Variants in CAPN8 observed in about 807,000 individuals in gnomAD.
CAPN8 encodes the protein calpain 8.
CAPN8 carries 87 observed loss-of-function variants against 80.9 expected under a neutral mutation model. The observed-to-expected ratio is 1.07, with a 90% CI of 0.90 to 1.28. The LOEUF (loss-of-function observed/expected upper bound fraction) is 1.28, where lower values mean the gene tolerates loss of function less well. Ranked by LOEUF, CAPN8 falls within the 50% of genes most tolerant of loss-of-function variation. The pLI, the probability that CAPN8 is intolerant of heterozygous loss-of-function variation, is 0.00. For synonymous variants in CAPN8, 299 were observed against 273.8 expected, an observed-to-expected ratio of 1.09 and a Z score of -0.91; for missense variants, 757 against 702.0, an observed-to-expected ratio of 1.08 and a Z score of -0.89.
intron 8 of CAPN8, among the ~76,000 whole-genome samples, chr1:223,619,837 G>A (rs1184154858): frequency 6.6e-6 from 1 of 152,154 alleles, no homozygotes; most frequent in African/African-American, 2.4e-5. Flanking sequence ...TATTCAAGGA[G>A]TATCCTTATT....
intron 9 of CAPN8, among the ~76,000 whole-genome samples, chr1:223,616,359 G>A (rs751503395): frequency 1.3e-4 from 20 of 152,252 alleles, no homozygotes; most frequent in South Asian, 2.1e-4. Flanking sequence ...ATATGGCATC[G>A]CATTTGGAAA....
chr1:223,637,778 A>G (rs1230377744), intron 2 of CAPN8, among the ~76,000 whole-genome samples: 2 of 152,124 alleles, frequency 1.3e-5, no homozygotes, highest in Admixed American at 6.5e-5. Context: ...GAAGGCTACA[A>G]ACTTAGTAGA....
intron 6 of CAPN8, among the ~76,000 whole-genome samples, chr1:223,625,030 T>A (rs1657525471): frequency 2.0e-5 from 3 of 152,090 alleles, no homozygotes; most frequent in Non-Finnish European, 4.4e-5. Flanking sequence ...GAGGCGGAGC[T>A]TGCAGTGAGC....
intron 2 of CAPN8, among the ~76,000 whole-genome samples, chr1:223,649,931 G>A (rs1040603461): frequency 2.6e-5 from 4 of 152,096 alleles, no homozygotes; most frequent in African/African-American, 9.7e-5. Context: ...CTTCCTAGAG[G>A]ACAAGGAACC....
intron 2 of CAPN8, among the ~76,000 whole-genome samples, chr1:223,647,684 A>C (rs1214844379): frequency 6.6e-6 from 1 of 152,176 alleles, no homozygotes; most frequent in East Asian, 1.9e-4. Context: ...TGCTGCAGTC[A>C]TATTTTTGGT....
intron 17 of CAPN8, 51 bp from the exon 18 acceptor site, chr1:223,544,901 C>A: frequency 6.5e-7 from 1 of 1,550,206 alleles, no homozygotes; most frequent in South Asian, 1.2e-5. Flanking sequence ...ACGGCCCCTG[C>A]CAGAACCATC....
chr1:223,557,627 C>T (rs1281263574), intron 13 of CAPN8, among the ~76,000 whole-genome samples: 12 of 152,314 alleles, frequency 7.9e-5, no homozygotes, highest in African/African-American at 2.6e-4. Flanking sequence ...CCTCCAAAGT[C>T]GGCTCAGAAC....
intron 10 of CAPN8, 58 bp from the exon 11 acceptor site, chr1:223,612,315 C>G (rs1657049286): frequency 5.7e-6 from 7 of 1,229,602 alleles, no homozygotes; most frequent in Non-Finnish European, 7.1e-6. Flanking sequence ...TCCTTCTGCT[C>G]CTTTTCCTCT....
chr1:223,541,997 G>A, intron 20 of CAPN8, 138 bp from the exon 21 acceptor site: 2 of 1,381,370 alleles, frequency 1.4e-6, no homozygotes, highest in Non-Finnish European at 2.0e-6. Flanking sequence ...AACATGGGAA[G>A]CAAGGAAGGC....
chr1:223,643,696 C>A (rs1046415183), intron 2 of CAPN8, among the ~76,000 whole-genome samples: 2 of 152,228 alleles, frequency 1.3e-5, no homozygotes, highest in Non-Finnish European at 2.9e-5. Context: ...TCTACAGAAG[C>A]ACAGAGTTTC....
chr1:223,549,565 G>A (rs1360475481), intron 15 of CAPN8, 183 bp from the exon 16 acceptor site: 20 of 888,912 alleles, frequency 2.2e-5, no homozygotes, highest in Admixed American at 1.4e-4. Context: ...TCCTGGTGCC[G>A]TGGGAGATAG....
intron 2 of CAPN8, among the ~76,000 whole-genome samples, chr1:223,649,159 C>T (rs1658272684): frequency 1.3e-5 from 2 of 152,242 alleles, no homozygotes; most frequent in Admixed American, 6.5e-5. Context: ...CCAAGGTCTA[C>T]TTTTATACAG....
chr1:223,634,268 C>T (rs777423154), intron 2 of CAPN8, among the ~76,000 whole-genome samples: 3 of 152,108 alleles, frequency 2.0e-5, no homozygotes, highest in Non-Finnish European at 4.4e-5. Flanking sequence ...ATGTCTGCAG[C>T]AGTAAGGAGC....
chr1:223,617,988 A>G (rs1344454110), intron 9 of CAPN8: 4 of 434,726 alleles, frequency 9.2e-6, no homozygotes, highest in African/African-American at 1.9e-5. Context: ...AGAACTTGTC[A>G]AGACCCAGCA....
intron 1 of CAPN8, among the ~76,000 whole-genome samples, chr1:223,656,897 G>A (rs1658509251): frequency 6.6e-6 from 1 of 151,830 alleles, no homozygotes; most frequent in Non-Finnish European, 1.5e-5. Flanking sequence ...TGTTAACCAG[G>A]ATGGTCTCCA....
At chr1:223,553,932 G>A (rs1656854140) in intron 13 of CAPN8, 32 bp from the exon 14 acceptor site, 1 of 398,480 alleles carries the variant, frequency 2.5e-6, no homozygotes, top group South Asian at 1.3e-4. Flanking sequence ...AAGTTAAAAT[G>A]GGAATCGTCA....
At chr1:223,650,294 C>T (rs180823281) in intron 2 of CAPN8, among the ~76,000 whole-genome samples, 1 of 152,250 alleles carries the variant, frequency 6.6e-6, no homozygotes, top group East Asian at 1.9e-4. Flanking sequence ...TCTTTCTGCC[C>T]AGAGCCATGG....
chr1:223,541,898 A>G (rs1392926468), intron 20 of CAPN8, 39 bp from the exon 21 acceptor site: 1 of 1,551,320 alleles, frequency 6.4e-7, no homozygotes, highest in Admixed American at 2.0e-5. Flanking sequence ...TTGGCTTCTC[A>G]GGGGCTGGTG....
Position 223,549,357 on chromosome 1 carries a change from GA to G in CAPN8, c.1724del (p.Phe575SerfsTer9). The G allele has an allele frequency of 1.3e-6, 2 of 1,551,770 alleles. No individual in the cohort carries two copies. The highest frequency in any genetic ancestry group is 1.7e-6 in the Non-Finnish European group (2 of 1,146,994). On this transcript the variant is annotated frameshift_variant, in exon 16 of 21. Transcript: ENST00000366872. LOFTEE classifies it high-confidence loss of function. The part of the protein sequence containing the change: ...SKRTDIKFDG[F>X]NINTCREMIS... ...TCATTTCCCTGCAAGTGTTGATGTT[GA>G]ATCCATCGAATTTTATGTCTGTTCC... is the stretch of plus-strand genomic sequence containing the variant.
Sources: gnomAD v4.1 joint callset for allele counts (sites outside exome capture counted in the v4.1 genomes callset) on GRCh38, gnomAD v4.1.1 for gene constraint, MANE v1.5 for transcripts, NCBI Gene and HGNC (gene_info 2026-07-23, HGNC 2026-07-21) for gene names.